KLF17: variants seen among roughly 807,000 people sequenced by gnomAD.
The protein encoded by KLF17 is KLF transcription factor 17, also known as Krueppel-like factor 17.
KLF17 carries 31 observed loss-of-function variants against 34.2 expected under a neutral mutation model. The observed-to-expected ratio is 0.91, with a 90% CI of 0.68 to 1.22. The LOEUF (loss-of-function observed/expected upper bound fraction) is 1.22, where lower values mean the gene tolerates loss of function less well. Ranked by LOEUF, KLF17 falls within the 50% of genes most tolerant of loss-of-function variation. KLF17 has a pLI of 0.00. For missense variants in KLF17, 478 were observed against 505.2 expected, an observed-to-expected ratio of 0.95 and a Z score of 0.52; for synonymous variants, 179 against 186.7, an observed-to-expected ratio of 0.96 and a Z score of 0.34.
intron 1 of KLF17, among the ~76,000 whole-genome samples, chr1:44,121,481 A>G (rs2087945800): frequency 6.6e-6 from 1 of 152,222 alleles, no homozygotes; most frequent in South Asian, 2.1e-4. Flanking sequence ...CCTAAAATGT[A>G]CTTCGTAGCT....
intron 1 of KLF17, among the ~76,000 whole-genome samples, chr1:44,123,125 AC>A (rs1425396588): frequency 6.6e-6 from 1 of 152,110 alleles, no homozygotes; most frequent in Non-Finnish European, 1.5e-5. Context: ...TGATCATACC[AC>A]TGTATTCCAG....
chr1:44,063,768 C>T, the KLF17 span, among the ~76,000 whole-genome samples: 218 of 152,202 alleles, frequency 1.4e-3, 1 homozygote, highest in African/African-American at 4.9e-3. Context: ...GCAAAAAGAC[C>T]GTAAGGGCCA....
the KLF17 span, chr1:44,104,491 T>A: frequency 2.6e-6 from 2 of 766,440 alleles, no homozygotes; most frequent in Non-Finnish European, 4.8e-6. Flanking sequence ...GGGTTCTTGA[T>A]CTGCTCCTTC....
chr1:44,083,080 T>C, the KLF17 span, among the ~76,000 whole-genome samples: 1 of 151,676 alleles, frequency 6.6e-6, no homozygotes, highest in Non-Finnish European at 1.5e-5. Context: ...TAGCTAGGAC[T>C]ACGGGGCATG....
intron 3 of KLF17, among the ~76,000 whole-genome samples, chr1:44,131,903 C>T (rs574438612): frequency 2.8e-4 from 43 of 152,230 alleles, no homozygotes; most frequent in African/African-American, 9.9e-4. Context: ...CCATGTTGGC[C>T]AGACTAATCT....
the KLF17 span, among the ~76,000 whole-genome samples, chr1:44,081,071 T>TATTA: frequency 6.6e-6 from 1 of 151,794 alleles, no homozygotes. Flanking sequence ...ACAACTAATA[T>TATTA]GAAAGAAAAT....
At chr1:44,118,054 G>T (rs1203725873), upstream of KLF17, among the ~76,000 whole-genome samples, 1 of 152,198 alleles carries the variant, frequency 6.6e-6, no homozygotes, top group East Asian at 1.9e-4. Flanking sequence ...TTCTAGCACC[G>T]TTGGGCTCTT....
At chr1:44,085,288 C>A in the KLF17 span, among the ~76,000 whole-genome samples, 2 of 151,994 alleles carry the variant, frequency 1.3e-5, no homozygotes, top group Non-Finnish European at 2.9e-5. Context: ...TTAGGTCACA[C>A]CTACAGAGAG....
intron 1 of KLF17, chr1:44,122,068 G>T: frequency 5.8e-5 from 48 of 823,530 alleles, no homozygotes; most frequent in South Asian, 2.1e-4. Flanking sequence ...CCACTTTTAT[G>T]TTTATTAAAA....
Position 44,127,610 on chromosome 1 carries a change from C to CTTTCTTTCTTTTCTTTTCTTTTCTTTTCT in KLF17, c.82-1736_82-1735insCTTTTCTTTTCTTTTCTTTTCTTTTCTTT, listed in dbSNP as rs1571989816. On this transcript the variant is annotated intron_variant, in intron 1 of 3. Transcript: ENST00000372299. Reference sequence around the variant, plus strand: ...CCTCGGTGGATCTTTCCCTTTCTTTCTTTCTTTTCTTTTCTTTTCTTTTCT... The same window carrying CTTTCTTTCTTTTCTTTTCTTTTCTTTTCT: ...CCTCGGTGGATCTTTCCCTTTCTTTCTTTCTTTCTTTTCTTTTCTTTTCTTTTCTTTTCTTTTCTTTTCTTTTCTTTTCT... Among the ~76,000 whole-genome samples, 5 of 89,380 alleles carry CTTTCTTTCTTTTCTTTTCTTTTCTTTTCT rather than the reference C, an allele frequency of 5.6e-5. 1 individual carries two copies. The Admixed American group carries it at 5.7e-4, about 10-fold the overall frequency. 58.6% of individuals were successfully genotyped at this position (89,380 alleles called of 152,430 possible). A position where few individuals can be genotyped will look rare whatever the true frequency, so the allele number is the denominator to read the frequency against.
chr1:44,091,365 A>G, the KLF17 span, among the ~76,000 whole-genome samples: 1 of 152,078 alleles, frequency 6.6e-6, no homozygotes, highest in South Asian at 2.1e-4. Flanking sequence ...AGAAAAGTCC[A>G]TACCTCTGGG....
the KLF17 span, chr1:44,051,258 G>C: frequency 6.6e-6 from 1 of 152,248 alleles, no homozygotes; most frequent in Admixed American, 6.5e-5. Context: ...CTAACCAAAG[G>C]CTCTTTTTAG....
chr1:44,122,560 C>G, intron 1 of KLF17: 1 of 775,196 alleles, frequency 1.3e-6, no homozygotes, highest in Non-Finnish European at 2.4e-6. Flanking sequence ...CTGAATCCAA[C>G]AACCGAATAC....
intron 1 of KLF17, among the ~76,000 whole-genome samples, chr1:44,128,676 T>G (rs546053331): frequency 6.6e-6 from 1 of 152,184 alleles, no homozygotes; most frequent in Non-Finnish European, 1.5e-5. Context: ...CTGCACCCGT[T>G]CTGCTGGTTT....
the KLF17 span, among the ~76,000 whole-genome samples, chr1:44,060,144 T>TAAA: frequency 5.3e-5 from 8 of 152,226 alleles, no homozygotes; most frequent in Admixed American, 3.9e-4. Context: ...GGAAGCCACC[T>TAAA]GTTCCTTTAG....
chr1:44,077,974 T>C, the KLF17 span, among the ~76,000 whole-genome samples: 59 of 152,364 alleles, frequency 3.9e-4, no homozygotes, highest in Non-Finnish European at 7.5e-4. Context: ...TGCCACATCC[T>C]GCTCTTTATA....
the KLF17 span, among the ~76,000 whole-genome samples, chr1:44,083,169 A>T: frequency 1.3e-5 from 2 of 151,866 alleles, no homozygotes; most frequent in African/African-American, 4.8e-5. Flanking sequence ...GCTGGGCTCA[A>T]ACTCCTGGGC....
chr1:44,085,807 CAAA>C, the KLF17 span, among the ~76,000 whole-genome samples: 76 of 63,624 alleles, frequency 1.2e-3, no homozygotes, highest in South Asian at 6.4e-3. Flanking sequence ...TCTGTCTCAA[CAAA>C]AAAAAAAAAA....
chr1:44,102,702 T>G, the KLF17 span, among the ~76,000 whole-genome samples: 1 of 151,538 alleles, frequency 6.6e-6, no homozygotes, highest in East Asian at 1.9e-4. Context: ...TGGGTGATAA[T>G]GATCTGTCAG....
Sources: allele counts gnomAD v4.1 joint callset (sites outside exome capture counted in the v4.1 genomes callset), GRCh38; gene constraint gnomAD v4.1.1; transcripts MANE v1.5; gene names NCBI Gene and HGNC (gene_info 2026-07-23, HGNC 2026-07-21).